MTUS1: variants seen among roughly 807,000 people sequenced by gnomAD.
The protein encoded by MTUS1 is microtubule-associated tumor suppressor 1.
Under a neutral mutation model 120.8 loss-of-function variants are expected in MTUS1, and 109 were observed. The observed-to-expected ratio is 0.90, with a 90% CI of 0.77 to 1.06. The LOEUF is 1.06. Among genes scored for constraint, MTUS1 ranks in the 50% least tolerant of loss-of-function variants. The pLI is 0.00. For synonymous variants in MTUS1, 737 were observed against 550.5 expected, an observed-to-expected ratio of 1.34 and a Z score of -4.74; for missense variants, 2,210 against 1,486.3, an observed-to-expected ratio of 1.49 and a Z score of -8.01.
intron 1 of MTUS1, among the ~76,000 whole-genome samples, chr8:17,782,332 T>C (rs1271956452): frequency 6.6e-6 from 1 of 152,262 alleles, no homozygotes; most frequent in African/African-American, 2.4e-5. Context: ...GTGCTATTTA[T>C]AGACATAACC....
chr8:17,775,335 C>T (rs895804288), intron 1 of MTUS1, among the ~76,000 whole-genome samples: 1 of 152,048 alleles, frequency 6.6e-6, no homozygotes, highest in Non-Finnish European at 1.5e-5. Flanking sequence ...CCTTTGGATA[C>T]CTCAACCTTC....
intron 1 of MTUS1, among the ~76,000 whole-genome samples, chr8:17,764,785 G>C (rs1257847716): frequency 2.0e-5 from 3 of 152,226 alleles, no homozygotes; most frequent in African/African-American, 7.2e-5. Context: ...GTGGACTGTA[G>C]CTTGCTGACC....
intron 4 of MTUS1, among the ~76,000 whole-genome samples, chr8:17,718,375 C>G (rs762704163): frequency 4.9e-4 from 75 of 152,206 alleles, no homozygotes; most frequent in Non-Finnish European, 6.9e-4. Context: ...TATCCTAGTT[C>G]TGGTGCTGAC....
At chr8:17,657,012 T>C (rs184293124) in intron 8 of MTUS1, among the ~76,000 whole-genome samples, 2,796 of 140,568 alleles carry the variant, frequency 0.02, 25 homozygotes, top group Non-Finnish European at 0.03. Flanking sequence ...TGAGCCGAGA[T>C]TGCGCCACTG....
chr8:17,761,999 G>T (rs901724672), intron 1 of MTUS1, among the ~76,000 whole-genome samples: 11 of 152,210 alleles, frequency 7.2e-5, no homozygotes. Flanking sequence ...AGCAGTTGAG[G>T]CCTGGTGCAG....
intron 1 of MTUS1, among the ~76,000 whole-genome samples, chr8:17,795,854 T>C (rs896791242): frequency 1.3e-5 from 2 of 152,108 alleles, no homozygotes; most frequent in Non-Finnish European, 2.9e-5. Flanking sequence ...CAAGCTGGTC[T>C]CAAACTCCTG....
Position 17,755,067 on chromosome 8 carries a change from A to G in MTUS1, c.741T>C (p.Ser247=), listed in dbSNP as rs1356831415. The G allele has an allele frequency of 6.2e-7, 1 of 1,613,850 alleles. No individual in the cohort carries two copies. The highest frequency in any genetic ancestry group is 1.7e-5 in the Admixed American group (1 of 60,024). ...EAQDMTYTAF[S]DVVMQSEVFV... ...AAACCTCACTTTGCATCACCACATC[A>G]GAAAATGCTGTGTAAGTCATGTCTT... The change falls in exon 2 of 15, where the codon TCT becomes TCC. Residue 247 remains serine (S), a synonymous_variant. Coordinates refer to ENST00000693296, the MANE Select transcript of MTUS1 (RefSeq NM_001363059.2).
rs968567212 is a variant in MTUS1, at chr8:17,645,607, T to A, written c.*319A>T. The A allele has an allele frequency of 4.6e-6, 1 of 217,160 alleles. No homozygotes were observed. Among genetic ancestry groups the A allele is most frequent in the Non-Finnish European group, 9.0e-6 (1 of 110,958 alleles). 13.5% of individuals were successfully genotyped at this position (217,160 alleles called of 1,614,324 possible). On this transcript the variant is annotated 3_prime_UTR_variant, in exon 15 of 15. Coordinates refer to ENST00000693296, the MANE Select transcript of MTUS1 (RefSeq NM_001363059.2). The stretch of plus-strand genomic sequence containing the variant: ...ATAAATCTTAATAGGGCCCTGAGAG[T>A]TTTTCCCCCTATGCTTAGGTGAAAA...
intron 8 of MTUS1, among the ~76,000 whole-genome samples, chr8:17,658,995 A>G (rs998609538): frequency 6.6e-6 from 1 of 152,148 alleles, no homozygotes; most frequent in Admixed American, 6.5e-5. Context: ...AACAAAAACT[A>G]TTTCTCGTTG....
intron 7 of MTUS1, among the ~76,000 whole-genome samples, chr8:17,682,659 G>C (rs182837071): frequency 1.3e-3 from 202 of 152,164 alleles, no homozygotes; most frequent in African/African-American, 4.7e-3. Context: ...GGACTTGACT[G>C]ACGTCATGAG....
chr8:17,688,820 A>T (rs1028554419), intron 6 of MTUS1, among the ~76,000 whole-genome samples: 1 of 152,152 alleles, frequency 6.6e-6, no homozygotes, highest in Non-Finnish European at 1.5e-5. Flanking sequence ...ATATTTTTCT[A>T]TTTACATATA....
At chr8:17,793,584 C>A (rs2051975542) in intron 1 of MTUS1, among the ~76,000 whole-genome samples, 1 of 152,092 alleles carries the variant, frequency 6.6e-6, no homozygotes, top group African/African-American at 2.4e-5. Flanking sequence ...TACCCAGCAT[C>A]CGAACATTTA....
At chr8:17,647,396 C>G (rs978353991) in intron 13 of MTUS1, 2 of 226,476 alleles carry the variant, frequency 8.8e-6, no homozygotes, top group Non-Finnish European at 1.7e-5. Context: ...TGAAATAAAC[C>G]CTGCAGACAC....
At position 17,722,025 on chromosome 8, in the gene MTUS1, C is replaced by G; in HGVS notation, c.2449+1647G>C. 3.6e-6 allele frequency: 5 copies of G among 1,387,706 alleles called. No homozygotes were observed. The South Asian group carries it at 9.3e-5, about 26-fold the overall frequency. 86.0% of individuals were successfully genotyped at this position (1,387,706 alleles called of 1,614,324 possible). A position where few individuals can be genotyped will look rare whatever the true frequency, so the allele number is the denominator to read the frequency against. ...AAAAAAAAATGCGTAAGCTCCAAGG[C>G]ACTACACAAAACAGATTAAACCAGC... On this transcript the variant is annotated intron_variant, in intron 4 of 14. Coordinates refer to ENST00000693296, the MANE Select transcript of MTUS1 (RefSeq NM_001363059.2).
At position 17,645,829 on chromosome 8, in the gene MTUS1, T is replaced by G; in HGVS notation, c.*97A>C. ...AGTTACCCTACGGTGATCACACGTG[T>G]GCTGATATACCTCTTGTGCCCACGT... On this transcript the variant is annotated 3_prime_UTR_variant, in exon 15 of 15. Transcript: ENST00000693296. 6.8e-7 allele frequency: 1 copy of G among 1,468,404 alleles called. No individual in the cohort carries two copies. Among genetic ancestry groups the G allele is most frequent in the Non-Finnish European group, 9.1e-7 (1 of 1,100,684 alleles). 91.0% of individuals were successfully genotyped at this position (1,468,404 alleles called of 1,614,324 possible).
chr8:17,654,797 A>C, intron 9 of MTUS1, 131 bp from the exon 10 acceptor site: 1 of 653,416 alleles, frequency 1.5e-6, no homozygotes, highest in South Asian at 1.8e-5. Context: ...AGGCTCCTCA[A>C]CACATACAAA....
At chr8:17,796,963 T>C (rs2052291679) in intron 1 of MTUS1, among the ~76,000 whole-genome samples, 1 of 152,076 alleles carries the variant, frequency 6.6e-6, no homozygotes, top group South Asian at 2.1e-4. Flanking sequence ...AATACAAAAA[T>C]TAGCCAGGCA....
intron 1 of MTUS1, among the ~76,000 whole-genome samples, chr8:17,778,271 CAA>C (rs766286185): frequency 6.6e-6 from 1 of 152,034 alleles, no homozygotes; most frequent in Non-Finnish European, 1.5e-5. Flanking sequence ...ACGTCACACA[CAA>C]AAGTCTCCAT....
chr8:17,765,726 A>T (rs2049435816), intron 1 of MTUS1, among the ~76,000 whole-genome samples: 1 of 151,162 alleles, frequency 6.6e-6, no homozygotes, highest in Non-Finnish European at 1.5e-5. Context: ...ACAAATGCAC[A>T]CACAATTTTT....
Sources: allele counts gnomAD v4.1 joint callset (sites outside exome capture counted in the v4.1 genomes callset), GRCh38; gene constraint gnomAD v4.1.1; transcripts MANE v1.5; gene names NCBI Gene and HGNC (gene_info 2026-07-23, HGNC 2026-07-21).